The following NCOA1 variants were observed in gnomAD, a reference collection of about 807,000 sequenced individuals.
NCOA1 encodes the protein nuclear receptor coactivator 1, also known as Hin-2 protein.
A neutral mutation model predicts 150.9 loss-of-function variants in NCOA1; 35 were observed. The ratio of observed to expected loss-of-function variants is 0.23; its 90% CI spans 0.18 to 0.31. The LOEUF (loss-of-function observed/expected upper bound fraction) is 0.31. NCOA1 is among the 10% of genes least tolerant of loss of function. The pLI is 1.00. For missense variants in NCOA1, 1,491 were observed against 1,749.3 expected (o/e 0.85, Z 2.63); for synonymous variants, 590 against 630.0 (o/e 0.94, Z 0.95).
intron 1 of NCOA1, among the ~76,000 whole-genome samples, chr2:24,545,472 CTTAT>C (rs527468200): frequency 4.6e-5 from 7 of 152,288 alleles, no homozygotes; most frequent in African/African-American, 1.2e-4. Flanking sequence ...ACTGTCCCCA[CTTAT>C]TTATCTTGTA....
intron 1 of NCOA1, among the ~76,000 whole-genome samples, chr2:24,520,915 A>ACTC: frequency 4.4e-5 from 1 of 22,744 alleles, no homozygotes; most frequent in Non-Finnish European, 2.0e-4. Flanking sequence ...TTCCTTGCTC[A>ACTC]TTCTTTGCTG....
intron 3 of NCOA1, among the ~76,000 whole-genome samples, chr2:24,615,349 T>G (rs1358595720): frequency 1.3e-5 from 2 of 152,170 alleles, no homozygotes; most frequent in African/African-American, 4.8e-5. Flanking sequence ...ACAGACCTCT[T>G]ATTATTTTGT....
chr2:24,731,604 C>G (rs1572654846), intron 17 of NCOA1, among the ~76,000 whole-genome samples: 1 of 150,964 alleles, frequency 6.6e-6, no homozygotes, highest in Admixed American at 6.6e-5. Context: ...GATAGAATAA[C>G]AATAAAAGGA....
rs562136802 is a variant in NCOA1 at position 24,736,216 on chromosome 2, C to T, written c.3202-3216C>T. Among the ~76,000 whole-genome samples the T allele has an allele frequency of 9.1e-4, 130 of 142,846 alleles. 1 individual carries two copies. Among genetic ancestry groups the T allele is most frequent in the Admixed American group, 3.0e-3 (42 of 14,140 alleles). The allele number at this position is 142,846 out of a possible 152,430, so 93.7% of individuals were successfully genotyped here. A position where few individuals can be genotyped will look rare whatever the true frequency, so the allele number is the denominator to read the frequency against. On this transcript the variant is annotated intron_variant, in intron 17 of 22. Coordinates refer to ENST00000348332, the MANE Select transcript of NCOA1 (RefSeq NM_003743.5). Reference sequence around the variant, plus strand: ...AGCCTGGGCAGCAAGAGTGAAACTCCGTCTCAAAAAAAAAAAAAAAAGAAA... The same window carrying T: ...AGCCTGGGCAGCAAGAGTGAAACTCTGTCTCAAAAAAAAAAAAAAAAGAAA...
intron 1 of NCOA1, among the ~76,000 whole-genome samples, chr2:24,502,608 T>C (rs992814140): frequency 5.3e-5 from 8 of 152,232 alleles, no homozygotes; most frequent in African/African-American, 1.9e-4. Flanking sequence ...TTCCAGTGTT[T>C]GGCCCCAGCT....
chr2:24,728,582 T>G (rs1662818699), intron 16 of NCOA1, 106 bp downstream of exon 16: 1 of 913,558 alleles, frequency 1.1e-6, no homozygotes, highest in Non-Finnish European at 1.5e-6. Context: ...TTAGCTGTTT[T>G]ATAATTTACC....
chr2:24,537,235 T>TACACACAC (rs1241311718), intron 1 of NCOA1, among the ~76,000 whole-genome samples: 1 of 62,666 alleles, frequency 1.6e-5, no homozygotes, highest in Non-Finnish European at 4.1e-5. Flanking sequence ...GTAACTGTGA[T>TACACACAC]ACATACACAC....
At chr2:24,560,965 A>C (rs7578116) in intron 1 of NCOA1, among the ~76,000 whole-genome samples, 37,403 of 152,138 alleles carry the variant, frequency 0.25, 5,094 homozygotes, top group Non-Finnish European at 0.31. Flanking sequence ...TTAAATTCAT[A>C]AAATCTAATT....
At chr2:24,501,008 A>G (rs1348482681) in intron 1 of NCOA1, among the ~76,000 whole-genome samples, 1 of 152,248 alleles carries the variant, frequency 6.6e-6, no homozygotes, top group Admixed American at 6.5e-5. Flanking sequence ...TCTAACCTGT[A>G]TAAAAATCTT....
chr2:24,534,936 G>T (rs1189775437), intron 1 of NCOA1, among the ~76,000 whole-genome samples: 1 of 152,200 alleles, frequency 6.6e-6, no homozygotes, highest in Non-Finnish European at 1.5e-5. Context: ...TTGATTTGGG[G>T]TGGAGAGTTC....
intron 2 of NCOA1, among the ~76,000 whole-genome samples, chr2:24,576,657 TCTC>T (rs922405672): frequency 6.6e-6 from 1 of 152,194 alleles, no homozygotes; most frequent in African/African-American, 2.4e-5. Context: ...TTGAGTAACT[TCTC>T]CTCCTCCTTT....
intron 3 of NCOA1, among the ~76,000 whole-genome samples, chr2:24,640,356 ATCT>A (rs375570233): frequency 2.6e-5 from 4 of 152,230 alleles, no homozygotes; most frequent in East Asian, 1.9e-4. Flanking sequence ...TCTTCTTCAA[ATCT>A]TCTGTTTCCT....
intron 1 of NCOA1, among the ~76,000 whole-genome samples, chr2:24,540,475 T>G (rs1665340931): frequency 2.0e-5 from 3 of 151,736 alleles, no homozygotes; most frequent in African/African-American, 7.3e-5. Flanking sequence ...TTTTTTTTTT[T>G]GAGACGGAGT....
chr2:24,745,162 T>C lies in NCOA1; in HGVS notation c.3706+2976T>C, dbSNP rs572792750. Among the ~76,000 whole-genome samples the C allele has an allele frequency of 7.4e-5, 11 of 149,612 alleles. No individual in the cohort carries two copies. In the South Asian group the frequency reaches 1.7e-3, roughly 23 times the overall value. On this transcript the variant is annotated intron_variant, in intron 19 of 22. Transcript: ENST00000348332. ...TAGAAATTGTTTTCTTTTTTCTTTTTTTTTTTTTTTTTTCTTTGAGACAGA... is the reference window on the plus strand; with the variant it reads ...TAGAAATTGTTTTCTTTTTTCTTTTCTTTTTTTTTTTTTCTTTGAGACAGA...
rs34522938 is a variant in NCOA1 at position 24,500,387 on chromosome 2, C to T, written c.-396+8785C>T. ...CCTCCCAAAGTGCTGGGATTACAGG[C>T]GTGAGCCACCGCGCCTGGCCAGTAG... is the stretch of plus-strand genomic sequence containing the variant. On this transcript the variant is annotated intron_variant, in intron 1 of 22. Transcript: ENST00000348332. Among the ~76,000 whole-genome samples the T allele has an allele frequency of 5.8e-3, 876 of 152,282 alleles. 4 individuals carry two copies. The highest frequency in any genetic ancestry group is 0.01 in the Non-Finnish European group (689 of 68,018).
At chr2:24,716,251 TA>T (rs70947839) in intron 14 of NCOA1, among the ~76,000 whole-genome samples, 68,924 of 141,696 alleles carry the variant, frequency 0.49, 17,373 homozygotes, top group Admixed American at 0.64. Flanking sequence ...AAAAACCACT[TA>T]AAAAAAAAAA....
chr2:24,608,728 ATATCC>A (rs1668489555), intron 3 of NCOA1, among the ~76,000 whole-genome samples: 4 of 76,062 alleles, frequency 5.3e-5, no homozygotes, highest in Admixed American at 1.2e-4. Flanking sequence ...TTTTTCATTT[ATATCC>A]TATATCCTCT....
At chr2:24,717,903 A>G (rs548110025) in intron 14 of NCOA1, among the ~76,000 whole-genome samples, 229 of 133,580 alleles carry the variant, frequency 1.7e-3, no homozygotes, top group Middle Eastern at 8.5e-3. Context: ...GATGGTTAAT[A>G]TCTTTTTTTT....
At position 24,565,526 on chromosome 2, in the gene NCOA1, AAAT is replaced by A. The variant is rs553156736; in HGVS notation, c.-260+1102_-260+1104del. On this transcript the variant is annotated intron_variant, in intron 2 of 22. Transcript: ENST00000348332. ...AGACTATGTAAAGCATAAATTCCAA[AAAT>A]AATAAGAATTCATGATATTGGGAAT... Among the ~76,000 whole-genome samples, 186 of 152,328 alleles carry A rather than the reference AAAT, an allele frequency of 1.2e-3. 1 individual carries two copies. Among genetic ancestry groups the A allele is most frequent in the African/African-American group, 4.2e-3 (173 of 41,562 alleles).
Sources: allele counts gnomAD v4.1 joint callset (sites outside exome capture counted in the v4.1 genomes callset), GRCh38; gene constraint gnomAD v4.1.1; transcripts MANE v1.5; gene names NCBI Gene and HGNC (gene_info 2026-07-23, HGNC 2026-07-21).